DGKG: variants seen among roughly 807,000 people sequenced by gnomAD.
The protein encoded by DGKG is diacylglycerol kinase gamma, also known as DAG kinase gamma.
DGKG carries 78 observed loss-of-function variants against 105.3 expected under a neutral mutation model. The observed-to-expected ratio is 0.74, with a 90% CI of 0.62 to 0.89. DGKG has a LOEUF of 0.89. Among genes scored for constraint, DGKG ranks in the 40% least tolerant of loss-of-function variants. The pLI is 0.00. For missense variants in DGKG, 958 were observed against 1,020.1 expected (o/e 0.94, Z 0.83); for synonymous variants, 346 against 367.1 (o/e 0.94, Z 0.66).
chr3:186,269,920 G>T (rs1722239733), intron 11 of DGKG, among the ~76,000 whole-genome samples: 1 of 152,118 alleles, frequency 6.6e-6, no homozygotes, highest in African/African-American at 2.4e-5. Flanking sequence ...CACTGTCTGG[G>T]AGGCTGAACC....
At chr3:186,162,835 C>T (rs1308877140) in intron 23 of DGKG, among the ~76,000 whole-genome samples, 1 of 152,044 alleles carries the variant, frequency 6.6e-6, no homozygotes, top group Non-Finnish European at 1.5e-5. Flanking sequence ...AGCCACCGCG[C>T]CTGGCCCAAC....
intron 1 of DGKG, among the ~76,000 whole-genome samples, chr3:186,328,100 C>T (rs1030711905): frequency 1.3e-5 from 2 of 152,204 alleles, no homozygotes; most frequent in African/African-American, 4.8e-5. Context: ...ACACACCATG[C>T]CTTTGATCTA....
chr3:186,246,119 C>CA, intron 19 of DGKG, among the ~76,000 whole-genome samples: 1 of 152,020 alleles, frequency 6.6e-6, no homozygotes, highest in Non-Finnish European at 1.5e-5. Flanking sequence ...TTACTGGCAC[C>CA]TGCCACCACG....
chr3:186,148,744 T>C lies in DGKG; in HGVS notation c.*1346A>G, dbSNP rs900651674. ...GCCCAGCAGGTCTTTCATGCTTGTT[T>C]TGAGGATCCAGAATAGGAGTTCTCG... On this transcript the variant is annotated 3_prime_UTR_variant, in exon 25 of 25. Transcript: ENST00000265022. The C allele has an allele frequency of 2.0e-6, 2 of 985,370 alleles. No individual in the cohort carries two copies. The highest frequency in any genetic ancestry group is 4.7e-5 in the South Asian group (1 of 21,284). 61.0% of individuals were successfully genotyped at this position (985,370 alleles called of 1,614,324 possible).
Position 186,361,983 on chromosome 3 carries a change from C to G in DGKG, c.-286G>C, listed in dbSNP as rs368518462. The G allele has an allele frequency of 6.6e-6, 1 of 152,420 alleles. No homozygotes were observed. The highest frequency in any genetic ancestry group is 2.1e-4 in the South Asian group (1 of 4,820). 9.4% of individuals were successfully genotyped at this position (152,420 alleles called of 1,614,324 possible). A position where few individuals can be genotyped will look rare whatever the true frequency, so the allele number is the denominator to read the frequency against. ...CACTTGGTTGCGCGGTGGCCCGGGG[C>G]GCTCCTTCTTCGCGGTTTATTCCCT... is the stretch of plus-strand genomic sequence containing the variant. On this transcript the variant is annotated 5_prime_UTR_variant, in exon 1 of 25. Transcript: ENST00000265022. This position sits in a 1 kb window ranked among gnomAD's most constrained non-coding sequence, Gnocchi z 6.8.
At chr3:186,322,924 C>T (rs1725150914) in intron 1 of DGKG, among the ~76,000 whole-genome samples, 1 of 152,310 alleles carries the variant, frequency 6.6e-6, no homozygotes, top group East Asian at 1.9e-4. Context: ...TTCTCTCCTG[C>T]CAAACCCAGG....
intron 1 of DGKG, among the ~76,000 whole-genome samples, chr3:186,360,784 C>A (rs1181770762): frequency 2.0e-5 from 3 of 152,176 alleles, no homozygotes; most frequent in Non-Finnish European, 4.4e-5. Context: ...GGGGTCGTTT[C>A]CAGTCCTGTG....
In DGKG at chr3:186,207,607, C is replaced by A. The variant is rs77609052; in HGVS notation, c.1917+4188G>T. The A allele has an allele frequency of 2.1e-3, 818 of 384,072 alleles. 5 individuals carry two copies. Among genetic ancestry groups the A allele is most frequent in the African/African-American group, 0.017 (773 of 45,928 alleles). The allele number at this position is 384,072 out of a possible 1,614,324, so 23.8% of individuals were successfully genotyped here. A position where few individuals can be genotyped will look rare whatever the true frequency, so the allele number is the denominator to read the frequency against. On this transcript the variant is annotated intron_variant, in intron 21 of 24. Coordinates refer to ENST00000265022, the MANE Select transcript of DGKG (RefSeq NM_001346.3). ...GGGAGGTAGACTAACCCCTATGCCC[C>A]CCATTTTATAGATGAGAATACTGAG...
chr3:186,297,489 GA>G lies in DGKG; in HGVS notation c.311-7del, dbSNP rs751243060. 44 of 1,604,376 alleles carry G rather than the reference GA, an allele frequency of 2.7e-5. No individual in the cohort carries two copies. The African/African-American group carries it at 4.8e-4, about 18-fold the overall frequency. ...TGCATTCTGTATATTAGTATCTGAG[GA>G]AAAAAAAGAAGATTTAAAGACCAAC... On this transcript the variant is annotated splice_region_variant and splice_polypyrimidine_tract_variant and intron_variant, in intron 4 of 24. Coordinates refer to ENST00000265022, the MANE Select transcript of DGKG (RefSeq NM_001346.3).
chr3:186,233,417 C>T (rs997583467), intron 20 of DGKG, among the ~76,000 whole-genome samples: 4 of 152,180 alleles, frequency 2.6e-5, no homozygotes, highest in African/African-American at 9.7e-5. Flanking sequence ...GATTTTAGCC[C>T]GGTGACACCT....
intron 20 of DGKG, among the ~76,000 whole-genome samples, chr3:186,240,885 T>TA (rs1560110050): frequency 1.3e-5 from 2 of 151,876 alleles, no homozygotes; most frequent in Admixed American, 6.6e-5. Context: ...GAGTACTTTT[T>TA]AAAAAAGTGG....
At chr3:186,326,282 C>T (rs981722657) in intron 1 of DGKG, among the ~76,000 whole-genome samples, 2 of 152,050 alleles carry the variant, frequency 1.3e-5, no homozygotes, top group African/African-American at 4.8e-5. Flanking sequence ...GTCCCAGCTA[C>T]TCAGGAGGCT....
chr3:186,287,254 G>A (rs1723113908), intron 6 of DGKG, among the ~76,000 whole-genome samples: 1 of 152,092 alleles, frequency 6.6e-6, no homozygotes, highest in Non-Finnish European at 1.5e-5. Flanking sequence ...TTCTTTAGCT[G>A]TAATGATGGT....
intron 1 of DGKG, among the ~76,000 whole-genome samples, chr3:186,321,558 C>T (rs1007908250): frequency 6.6e-6 from 1 of 152,174 alleles, no homozygotes; most frequent in African/African-American, 2.4e-5. Flanking sequence ...GAAATAAAGA[C>T]CAACTGAAAC....
At chr3:186,187,631 T>C (rs1472133212) in intron 22 of DGKG, among the ~76,000 whole-genome samples, 1 of 151,976 alleles carries the variant, frequency 6.6e-6, no homozygotes, top group African/African-American at 2.4e-5. Context: ...AGTAAGCACA[T>C]GGTATTTAAA....
rs981982119 is a variant in DGKG, at chr3:186,226,795, G to C, written c.1827-14910C>G. On this transcript the variant is annotated intron_variant, in intron 20 of 24. Coordinates refer to ENST00000265022, the MANE Select transcript of DGKG (RefSeq NM_001346.3). This position sits in a 1 kb window ranked among gnomAD's most constrained non-coding sequence, Gnocchi z 4.2. ...GAATAGAAAACATCTTGTTACTAGA[G>C]AGTGAAGAATTTCAATCTAAGTGTA... 1.3e-5 allele frequency among the ~76,000 whole-genome samples: 2 copies of C among 152,184 alleles called. No homozygotes were observed. Among genetic ancestry groups the C allele is most frequent in the Non-Finnish European group, 2.9e-5 (2 of 68,038 alleles).
chr3:186,158,696 T>C, intron 24 of DGKG: 1 of 969,464 alleles, frequency 1.0e-6, no homozygotes, highest in Non-Finnish European at 1.2e-6. Context: ...ACCTCAAAGA[T>C]GGAAACAAAT....
intron 1 of DGKG, among the ~76,000 whole-genome samples, chr3:186,343,276 T>C (rs1393266517): frequency 6.6e-6 from 1 of 152,050 alleles, no homozygotes. Context: ...AACAAGCAAA[T>C]CTAATCTTCT....
chr3:186,243,255 C>G (rs114651250), intron 19 of DGKG, among the ~76,000 whole-genome samples: 1 of 151,728 alleles, frequency 6.6e-6, no homozygotes, highest in East Asian at 1.9e-4. Context: ...TCACTTCACT[C>G]GAAGGACTCC....
Sources: gnomAD v4.1 joint callset for allele counts (sites outside exome capture counted in the v4.1 genomes callset) on GRCh38, gnomAD v4.1.1 for gene constraint, Gnocchi (gnomAD v3.1) non-coding constraint, MANE v1.5 for transcripts, NCBI Gene and HGNC (gene_info 2026-07-23, HGNC 2026-07-21) for gene names.